Variants in PAPSS1 observed in about 807,000 individuals in gnomAD.
PAPSS1 encodes 3'-phosphoadenosine 5'-phosphosulfate synthase 1, also known as bifunctional 3'-phosphoadenosine 5'-phosphosulfate synthase 1.
A neutral mutation model predicts 72.0 loss-of-function variants in PAPSS1; 50 were observed. That is an observed-to-expected ratio of 0.69 (90% CI 0.55 to 0.88). The LOEUF (loss-of-function observed/expected upper bound fraction) is 0.88. Among genes scored for constraint, PAPSS1 ranks in the 40% least tolerant of loss-of-function variants. The pLI, the probability that PAPSS1 is intolerant of heterozygous loss-of-function variation, is 0.00. For synonymous variants in PAPSS1, 261 were observed against 263.6 expected (o/e 0.99, Z 0.09); for missense variants, 657 against 782.2 (o/e 0.84, Z 1.91).
intron 10 of PAPSS1, 51 bp from the exon 11 acceptor site, chr4:107,631,911 T>C: frequency 8.8e-7 from 1 of 1,134,136 alleles, no homozygotes; most frequent in Non-Finnish European, 1.3e-6. Flanking sequence ...ACTATGTACT[T>C]AGAAATAGTA....
chr4:107,615,073 A>G (rs1034987146), intron 11 of PAPSS1, among the ~76,000 whole-genome samples: 3 of 126,588 alleles, frequency 2.4e-5, no homozygotes, highest in Non-Finnish European at 5.2e-5. Context: ...TGGAATATTA[A>G]GAGTAAAATT....
At chr4:107,666,305 T>C (rs1727314750) in intron 5 of PAPSS1, among the ~76,000 whole-genome samples, 1 of 152,208 alleles carries the variant, frequency 6.6e-6, no homozygotes, top group Admixed American at 6.5e-5. Context: ...TACTTCCTTA[T>C]GTCATAACAA....
intron 11 of PAPSS1, among the ~76,000 whole-genome samples, chr4:107,629,475 G>A (rs1726178619): frequency 6.6e-6 from 1 of 152,194 alleles, no homozygotes; most frequent in African/African-American, 2.4e-5. Flanking sequence ...GATTCTGACT[G>A]TAAAATTAAA....
chr4:107,630,558 T>C (rs1185574324), intron 11 of PAPSS1, among the ~76,000 whole-genome samples: 1 of 152,222 alleles, frequency 6.6e-6, no homozygotes, highest in Non-Finnish European at 1.5e-5. Flanking sequence ...AAACCTCTTT[T>C]GTTTACAAAT....
At chr4:107,661,141 T>TTTC (rs1293083071) in intron 5 of PAPSS1, among the ~76,000 whole-genome samples, 1 of 152,046 alleles carries the variant, frequency 6.6e-6, no homozygotes, top group East Asian at 1.9e-4. Context: ...AAATTGCAAA[T>TTTC]CAAAACAAGA....
At chr4:107,640,802 C>T (rs749697489) in intron 10 of PAPSS1, among the ~76,000 whole-genome samples, 3 of 152,212 alleles carry the variant, frequency 2.0e-5, no homozygotes, top group Admixed American at 1.3e-4. Context: ...GCTCAGGCAT[C>T]AGAGCTGGGC....
chr4:107,613,909 A>G lies in PAPSS1; in HGVS notation c.*340T>C, dbSNP rs1725754288. The G allele has an allele frequency of 6.0e-6, 1 of 165,548 alleles. No homozygotes were observed. Among genetic ancestry groups the G allele is most frequent in the African/African-American group, 2.4e-5 (1 of 42,014 alleles). 10.3% of individuals were successfully genotyped at this position (165,548 alleles called of 1,614,324 possible). A position where few individuals can be genotyped will look rare whatever the true frequency, so the allele number is the denominator to read the frequency against. On this transcript the variant is annotated 3_prime_UTR_variant, in exon 12 of 12. Coordinates refer to ENST00000265174, the MANE Select transcript of PAPSS1 (RefSeq NM_005443.5). ...ATTTTTTTCTTTTTTTAAGGGGAAA[A>G]AAAGCAAGATTTAATGTGAATACTA...
chr4:107,654,138 C>A (rs1290479423), intron 8 of PAPSS1, among the ~76,000 whole-genome samples: 1 of 152,190 alleles, frequency 6.6e-6, no homozygotes, highest in Middle Eastern at 3.2e-3. Context: ...AGCTCCAGCC[C>A]TCCTTTTCCC....
rs148496621 is a variant in PAPSS1 at position 107,656,076 on chromosome 4, G to A, written c.895+820C>T. Among the ~76,000 whole-genome samples, 24 of 152,220 alleles carry A rather than the reference G, an allele frequency of 1.6e-4. No homozygotes were observed. In the East Asian group the frequency reaches 4.6e-3, roughly 29 times the overall value. On this transcript the variant is annotated intron_variant, in intron 7 of 11. Coordinates refer to ENST00000265174, the MANE Select transcript of PAPSS1 (RefSeq NM_005443.5). ...ATACAACACAAAATTAAAGGCTGCT[G>A]CATTATAATGATTATATGTTGGACA...
intron 4 of PAPSS1, among the ~76,000 whole-genome samples, chr4:107,684,635 C>A (rs1560584318): frequency 6.6e-6 from 1 of 152,206 alleles, no homozygotes; most frequent in African/African-American, 2.4e-5. Flanking sequence ...AATTCCCTTT[C>A]TATCAATCCC....
intron 11 of PAPSS1, among the ~76,000 whole-genome samples, chr4:107,621,821 G>T (rs923918641): frequency 1.3e-5 from 2 of 151,460 alleles, no homozygotes; most frequent in Admixed American, 6.6e-5. Flanking sequence ...GTAGAGACGG[G>T]GTTTCACCGT....
At chr4:107,707,339 G>C (rs6852334) in intron 1 of PAPSS1, among the ~76,000 whole-genome samples, 4 of 152,184 alleles carry the variant, frequency 2.6e-5, no homozygotes, top group Non-Finnish European at 4.4e-5. Context: ...GGGCCACTGG[G>C]GCCAGCCTGG....
chr4:107,694,207 C>T (rs1032417719), intron 2 of PAPSS1: 2 of 526,518 alleles, frequency 3.8e-6, no homozygotes, highest in Non-Finnish European at 6.7e-6. Flanking sequence ...ACAACAGGCA[C>T]ATGCCACCAC....
At chr4:107,620,602 A>C (rs1380991388) in intron 11 of PAPSS1, among the ~76,000 whole-genome samples, 1 of 152,208 alleles carries the variant, frequency 6.6e-6, no homozygotes, top group African/African-American at 2.4e-5. Flanking sequence ...GCTGTCCTAA[A>C]GTGTACTGGA....
chr4:107,693,470 T>G (rs757170), intron 3 of PAPSS1, among the ~76,000 whole-genome samples: 124,527 of 152,192 alleles, frequency 0.82, 53,068 homozygotes, highest in South Asian at 0.95. Flanking sequence ...TTCACTATAG[T>G]TTTATTAAGT....
chr4:107,682,403 T>C (rs928573470), intron 4 of PAPSS1, among the ~76,000 whole-genome samples: 8 of 152,304 alleles, frequency 5.3e-5, no homozygotes, highest in East Asian at 3.9e-4. Context: ...AATAATTGTT[T>C]ATGGTTTGAG....
chr4:107,719,333 T>G (rs1314184860), intron 1 of PAPSS1, among the ~76,000 whole-genome samples: 3 of 152,204 alleles, frequency 2.0e-5, no homozygotes, highest in African/African-American at 7.2e-5. Flanking sequence ...GGCCCTTCCC[T>G]GCTGCACACT....
At chr4:107,645,205 T>TAA (rs142724086) in intron 9 of PAPSS1, 135 bp from the exon 10 acceptor site, 31,205 of 400,746 alleles carry the variant, frequency 0.078, 2,559 homozygotes, top group African/African-American at 0.33. Context: ...AGAAAACTGG[T>TAA]AAAAAAAAAA....
intron 10 of PAPSS1, among the ~76,000 whole-genome samples, chr4:107,642,880 C>T (rs1012242800): frequency 3.9e-5 from 6 of 152,124 alleles, no homozygotes; most frequent in Non-Finnish European, 1.5e-5. Flanking sequence ...ACTGACTGGT[C>T]GAATCTACTA....
Sources: allele counts gnomAD v4.1 joint callset (sites outside exome capture counted in the v4.1 genomes callset), GRCh38; gene constraint gnomAD v4.1.1; transcripts MANE v1.5; gene names NCBI Gene and HGNC (gene_info 2026-07-23, HGNC 2026-07-21).